Variants in INSR observed in about 807,000 individuals in gnomAD.
The protein encoded by INSR is IR.
INSR carries 67 observed loss-of-function variants against 142.6 expected under a neutral mutation model. The observed-to-expected ratio is 0.47, with a 90% CI of 0.39 to 0.58. The LOEUF (loss-of-function observed/expected upper bound fraction) is 0.58, where lower values mean the gene tolerates loss of function less well. INSR is among the 20% of genes least tolerant of loss of function. The pLI, the probability that INSR is intolerant of heterozygous loss-of-function variation, is 0.00. For synonymous variants in INSR, 756 were observed against 743.1 expected, an observed-to-expected ratio of 1.02 and a Z score of -0.28; for missense variants, 1,248 against 1,833.2, an observed-to-expected ratio of 0.68 and a Z score of 5.83.
chr19:7,135,297 G>GCAT (rs1440633793), intron 13 of INSR, among the ~76,000 whole-genome samples: 2 of 130,368 alleles, frequency 1.5e-5, no homozygotes, highest in African/African-American at 5.6e-5. Context: ...AAGGGGAAAT[G>GCAT]CATCTTCTTT....
At chr19:7,291,801 T>A (rs1192939243) in intron 1 of INSR, among the ~76,000 whole-genome samples, 4 of 151,974 alleles carry the variant, frequency 2.6e-5, no homozygotes, top group Non-Finnish European at 5.9e-5. Context: ...TGGATTTTCT[T>A]TTTATTTATT....
At chr19:7,250,950 C>T (rs1267956809) in intron 2 of INSR, among the ~76,000 whole-genome samples, 1 of 151,992 alleles carries the variant, frequency 6.6e-6, no homozygotes, top group East Asian at 1.9e-4. Flanking sequence ...GAAAGCCCAG[C>T]TCTTCAACAG....
At chr19:7,274,705 T>C (rs1354229571) in intron 1 of INSR, among the ~76,000 whole-genome samples, 1 of 148,032 alleles carries the variant, frequency 6.8e-6, no homozygotes, top group Non-Finnish European at 1.5e-5. Flanking sequence ...CTCGGGAGGC[T>C]GAGGCAGGAG....
chr19:7,152,673 C>A, intron 10 of INSR, 53 bp downstream of exon 10: 1 of 1,469,144 alleles, frequency 6.8e-7, no homozygotes, highest in Non-Finnish European at 9.5e-7. Flanking sequence ...TGACCTTCCA[C>A]CAACACCAAG....
intron 1 of INSR, among the ~76,000 whole-genome samples, chr19:7,287,505 GA>G (rs943077913): frequency 3.6e-4 from 52 of 144,880 alleles, no homozygotes; most frequent in Admixed American, 4.8e-4. Context: ...AGGCCTGAGA[GA>G]AAAAAAAAAA....
At chr19:7,285,702 A>G (rs1968329549) in intron 1 of INSR, among the ~76,000 whole-genome samples, 1 of 152,160 alleles carries the variant, frequency 6.6e-6, no homozygotes, top group South Asian at 2.1e-4. Flanking sequence ...ATGAGGATCA[A>G]CCAGACTCAA....
chr19:7,153,330 A>T (rs1973478824), intron 9 of INSR, among the ~76,000 whole-genome samples: 1 of 131,344 alleles, frequency 7.6e-6, no homozygotes, highest in African/African-American at 3.2e-5. Context: ...CACCACACAC[A>T]CCCACGCCAC....
Position 7,150,435 on chromosome 19 carries a change from T to A in INSR, c.2267+62A>T. On this transcript the variant is annotated intron_variant, in intron 11 of 21. Transcript: ENST00000302850. The surrounding 1 kb of genome is among the most constrained non-coding windows in gnomAD (Gnocchi z 4.2). ...AAACCCCTGGGTTCTCCGAGGCATC[T>A]GCCTGGCACGCCGCCGGCCCTGCGC... The A allele has an allele frequency of 2.0e-6, 3 of 1,536,450 alleles. No individual in the cohort carries two copies. Among genetic ancestry groups the A allele is most frequent in the Non-Finnish European group, 2.7e-6 (3 of 1,111,422 alleles).
In INSR at chr19:7,125,634, G is replaced by C. The variant is rs1015504385; in HGVS notation, c.3014-107C>G. 20 of 1,462,780 alleles carry C rather than the reference G, an allele frequency of 1.4e-5. No homozygotes were observed. Among genetic ancestry groups the C allele is most frequent in the Non-Finnish European group, 1.9e-5 (20 of 1,061,256 alleles). 90.6% of individuals were successfully genotyped at this position (1,462,780 alleles called of 1,614,324 possible). A position where few individuals can be genotyped will look rare whatever the true frequency, so the allele number is the denominator to read the frequency against. ...ACCCCCTCGAAAACACTCATGAAAT[G>C]AGTTCTGTGATCCAGGACCCATGCC... On this transcript the variant is annotated intron_variant, in intron 16 of 21. Transcript: ENST00000302850. This position sits in a 1 kb window ranked among gnomAD's most constrained non-coding sequence, Gnocchi z 4.9.
At chr19:7,151,274 T>C (rs1486753965) in intron 10 of INSR, among the ~76,000 whole-genome samples, 3 of 150,168 alleles carry the variant, frequency 2.0e-5, no homozygotes, top group Admixed American at 6.7e-5. Context: ...TTCTTTCTTT[T>C]TTTCCCTTCC....
intron 1 of INSR, among the ~76,000 whole-genome samples, chr19:7,272,161 C>T (rs541593616): frequency 2.2e-4 from 34 of 152,104 alleles, no homozygotes; most frequent in Non-Finnish European, 4.9e-4. Flanking sequence ...AAAAAATTAG[C>T]TGGGCATGGT....
chr19:7,245,304 C>T (rs138910239), intron 2 of INSR, among the ~76,000 whole-genome samples: 12 of 152,158 alleles, frequency 7.9e-5, no homozygotes, highest in African/African-American at 2.9e-4. Context: ...AAACACTCTT[C>T]TAAAAGGTGT....
rs1972798334 is a variant in INSR at position 7,132,103 on chromosome 19, C to T, written c.2842+55G>A. 4 of 1,609,764 alleles carry T rather than the reference C, an allele frequency of 2.5e-6. No homozygotes were observed. The Admixed American group carries it at 5.0e-5, about 20-fold the overall frequency. On this transcript the variant is annotated intron_variant, in intron 14 of 21. Coordinates refer to ENST00000302850, the MANE Select transcript of INSR (RefSeq NM_000208.4). ...CCAAGTCATCCCCTGCAATGTCCCA[C>T]CATGCTCAGTGCTAAGCACAGCCCC...
chr19:7,256,930 C>A (rs1001897561), intron 2 of INSR, among the ~76,000 whole-genome samples: 2 of 128,234 alleles, frequency 1.6e-5, no homozygotes, highest in African/African-American at 3.0e-5. Flanking sequence ...CTCTACCCTA[C>A]CTTTTTTTTT....
chr19:7,202,831 GTTTTCA>G (rs1039197067), intron 2 of INSR, among the ~76,000 whole-genome samples: 2 of 151,884 alleles, frequency 1.3e-5, no homozygotes, highest in African/African-American at 4.8e-5. Flanking sequence ...TGTTTTTTTG[GTTTTCA>G]TTTTCTTTTT....
At chr19:7,172,267 T>C in intron 5 of INSR, 23 bp downstream of exon 5, 1 of 1,613,452 alleles carries the variant, frequency 6.2e-7, no homozygotes, top group Admixed American at 1.7e-5. Context: ...ACTCAGGCCA[T>C]ACACACAATC....
At chr19:7,180,942 CTTTTA>C (rs1568468203) in intron 3 of INSR, among the ~76,000 whole-genome samples, 2 of 151,980 alleles carry the variant, frequency 1.3e-5, no homozygotes, top group Non-Finnish European at 1.5e-5. Flanking sequence ...CAGATGACCA[CTTTTA>C]TTTTTTCTTT....
chr19:7,239,856 A>T (rs1976286118), intron 2 of INSR, among the ~76,000 whole-genome samples: 1 of 152,198 alleles, frequency 6.6e-6, no homozygotes, highest in Admixed American at 6.5e-5. Flanking sequence ...TTAAGAACTC[A>T]TGCAGCAGGT....
At chr19:7,293,573 G>T (rs994515398) in intron 1 of INSR, among the ~76,000 whole-genome samples, 1 of 152,186 alleles carries the variant, frequency 6.6e-6, no homozygotes, top group Admixed American at 6.5e-5. Flanking sequence ...TCGGGCTCAG[G>T]TCGGGCACGC....
Sources: gnomAD v4.1 joint callset for allele counts (sites outside exome capture counted in the v4.1 genomes callset) on GRCh38, gnomAD v4.1.1 for gene constraint, Gnocchi (gnomAD v3.1) non-coding constraint, MANE v1.5 for transcripts, NCBI Gene and HGNC (gene_info 2026-07-23, HGNC 2026-07-21) for gene names.